The following LTBP1 variants were observed in gnomAD, a reference collection of about 807,000 sequenced individuals.
LTBP1 encodes the protein latent transforming growth factor beta binding protein 1.
In LTBP1, 129 loss-of-function variants were observed where a neutral mutation model predicts 207.6. That is an observed-to-expected ratio of 0.62 (90% CI 0.54 to 0.72). The LOEUF is 0.72. Ranked by LOEUF, LTBP1 falls within the 30% of genes least tolerant of loss-of-function variation. The pLI, the probability that LTBP1 is intolerant of heterozygous loss-of-function variation, is 0.00. For synonymous variants in LTBP1, 963 were observed against 833.7 expected (o/e 1.16, Z -2.67); for missense variants, 2,281 against 2,217.2 (o/e 1.03, Z -0.58).
intron 24 of LTBP1, among the ~76,000 whole-genome samples, chr2:33,322,078 C>G (rs1294087573): frequency 6.6e-6 from 1 of 151,428 alleles, no homozygotes; most frequent in Non-Finnish European, 1.5e-5. Flanking sequence ...CATATATCAA[C>G]ATTTGTATAA....
intron 5 of LTBP1, among the ~76,000 whole-genome samples, chr2:33,164,346 T>C (rs1256950056): frequency 6.6e-5 from 6 of 91,466 alleles, no homozygotes; most frequent in Non-Finnish European, 1.1e-4. Context: ...CAAGACTTCC[T>C]CTCAGGAAAA....
intron 2 of LTBP1, among the ~76,000 whole-genome samples, chr2:32,991,120 C>A (rs1387973948): frequency 6.6e-6 from 1 of 152,154 alleles, no homozygotes; most frequent in African/African-American, 2.4e-5. Flanking sequence ...GTTTGTTACT[C>A]ATTTTGCTTT....
At chr2:33,190,052 A>G (rs1427412840) in intron 7 of LTBP1, among the ~76,000 whole-genome samples, 2 of 152,086 alleles carry the variant, frequency 1.3e-5, no homozygotes, top group Non-Finnish European at 1.5e-5. Context: ...AAAATTCATA[A>G]CTTGCAAGGT....
intron 31 of LTBP1, among the ~76,000 whole-genome samples, chr2:33,382,339 C>G (rs924949949): frequency 5.3e-5 from 8 of 152,052 alleles, no homozygotes; most frequent in Non-Finnish European, 1.0e-4. Context: ...AGGTGATCCA[C>G]CCGCCTCGGG....
rs1337538332 is a variant in LTBP1 at position 33,080,904 on chromosome 2, G to A, written c.864-29678G>A. Among the ~76,000 whole-genome samples, 5 of 152,160 alleles carry A rather than the reference G, an allele frequency of 3.3e-5. 1 individual carries two copies. The highest frequency in any genetic ancestry group is 1.3e-4 in the Admixed American group (2 of 15,278). ...ATTTTCCTTACCCATTGCAAGGTTC[G>A]TGGCTGAGGCATCTATAATAAAAGA... On this transcript the variant is annotated intron_variant, in intron 3 of 33. Transcript: ENST00000404816.
chr2:33,326,112 A>G (rs1361031493), intron 24 of LTBP1, among the ~76,000 whole-genome samples: 1 of 152,178 alleles, frequency 6.6e-6, no homozygotes, highest in Non-Finnish European at 1.5e-5. Context: ...GTTTCATTAA[A>G]TATATACTAC....
At chr2:33,386,826 CTTTT>C (rs1009498572) in intron 31 of LTBP1, among the ~76,000 whole-genome samples, 2 of 119,348 alleles carry the variant, frequency 1.7e-5, no homozygotes, top group Non-Finnish European at 3.4e-5. Flanking sequence ...GAGCAAGACC[CTTTT>C]TTTTTTTTTT....
intron 5 of LTBP1, among the ~76,000 whole-genome samples, chr2:33,139,049 G>C (rs572848264): frequency 6.6e-6 from 1 of 150,874 alleles, no homozygotes; most frequent in Non-Finnish European, 1.5e-5. Context: ...TAGTAGAGAC[G>C]GGGTTTCACC....
intron 3 of LTBP1, among the ~76,000 whole-genome samples, chr2:33,077,525 G>A (rs958522204): frequency 2.6e-5 from 4 of 152,100 alleles, no homozygotes; most frequent in East Asian, 1.9e-4. Context: ...GAAGAGAGAG[G>A]GGGGTGAGGT....
intron 10 of LTBP1, among the ~76,000 whole-genome samples, chr2:33,246,161 TCC>T: frequency 6.6e-6 from 1 of 152,344 alleles, no homozygotes; most frequent in East Asian, 1.9e-4. Flanking sequence ...AGTTAAGTGT[TCC>T]AGTTGAGAGT....
chr2:33,002,339 CG>C lies in LTBP1; in HGVS notation c.566-18568del, dbSNP rs1686158804. On this transcript the variant is annotated intron_variant, in intron 2 of 33. Transcript: ENST00000404816. ...GGTGGTGGAGTGAGCATCTGTGAGA[CG>C]GTGGAAAGAAAATGTTTGTGTTATG... is the stretch of plus-strand genomic sequence containing the variant. Among the ~76,000 whole-genome samples the C allele has an allele frequency of 2.0e-5, 3 of 152,168 alleles. No individual in the cohort carries two copies. In the South Asian group the frequency reaches 6.2e-4, roughly 32 times the overall value.
At chr2:33,311,047 G>T (rs1004489121) in intron 23 of LTBP1, among the ~76,000 whole-genome samples, 10 of 151,784 alleles carry the variant, frequency 6.6e-5, no homozygotes, top group African/African-American at 2.4e-4. Context: ...TAAAATTCTG[G>T]ATTGCCATAA....
intron 33 of LTBP1, 49 bp downstream of exon 33, chr2:33,397,331 C>T (rs764906077): frequency 1.9e-6 from 3 of 1,594,908 alleles, no homozygotes; most frequent in East Asian, 2.2e-5. Flanking sequence ...CCTGACACCC[C>T]GTATCTCAGT....
At chr2:33,292,008 A>G (rs1469129724) in intron 19 of LTBP1, among the ~76,000 whole-genome samples, 1 of 152,176 alleles carries the variant, frequency 6.6e-6, no homozygotes, top group Non-Finnish European at 1.5e-5. Context: ...AGACCCCTAT[A>G]AGATTAAGCC....
At chr2:33,036,763 A>G (rs1420466494) in intron 3 of LTBP1, among the ~76,000 whole-genome samples, 2 of 152,148 alleles carry the variant, frequency 1.3e-5, no homozygotes, top group African/African-American at 2.4e-5. Context: ...CAGCCTCGTG[A>G]TGAACATTTT....
chr2:33,293,984 C>G (rs1573667373), intron 20 of LTBP1, among the ~76,000 whole-genome samples: 1 of 132,862 alleles, frequency 7.5e-6, no homozygotes, highest in South Asian at 2.6e-4. Flanking sequence ...GTGAACAAAA[C>G]TGGTACAGGT....
intron 26 of LTBP1, among the ~76,000 whole-genome samples, chr2:33,353,061 C>T (rs2094805119): frequency 6.7e-6 from 1 of 150,300 alleles, no homozygotes; most frequent in South Asian, 2.1e-4. Flanking sequence ...TCATCACAAC[C>T]TCCACCTTCT....
At chr2:32,957,225 C>T (rs942973457) in intron 2 of LTBP1, among the ~76,000 whole-genome samples, 7 of 152,172 alleles carry the variant, frequency 4.6e-5, no homozygotes, top group African/African-American at 1.2e-4. Context: ...ATTGACTTCT[C>T]CTCAGTTTTC....
At chr2:33,358,275 T>A (rs1040641243) in intron 26 of LTBP1, among the ~76,000 whole-genome samples, 1 of 152,026 alleles carries the variant, frequency 6.6e-6, no homozygotes, top group African/African-American at 2.4e-5. Context: ...ATTTCCCTTA[T>A]GGGAAATAAT....
Sources: allele counts gnomAD v4.1 joint callset (sites outside exome capture counted in the v4.1 genomes callset), GRCh38; gene constraint gnomAD v4.1.1; transcripts MANE v1.5; gene names NCBI Gene and HGNC (gene_info 2026-07-23, HGNC 2026-07-21).